Variants in CDYL2 observed in about 807,000 individuals in gnomAD.
The protein encoded by CDYL2 is chromodomain Y like 2.
Under a neutral mutation model 49.4 loss-of-function variants are expected in CDYL2, and 23 were observed. That is an observed-to-expected ratio of 0.47 (90% CI 0.34 to 0.66). CDYL2 has a LOEUF of 0.66. Among genes scored for constraint, CDYL2 ranks in the 30% least tolerant of loss-of-function variants. The pLI, the probability that CDYL2 is intolerant of heterozygous loss-of-function variation, is 0.01. For synonymous variants in CDYL2, 360 were observed against 268.8 expected, an observed-to-expected ratio of 1.34 and a Z score of -3.32; for missense variants, 678 against 656.4, an observed-to-expected ratio of 1.03 and a Z score of -0.36.
intron 2 of CDYL2, among the ~76,000 whole-genome samples, chr16:80,663,841 C>A (rs1053281498): frequency 6.6e-6 from 1 of 152,244 alleles, no homozygotes; most frequent in African/African-American, 2.4e-5. Context: ...AATCCACCAC[C>A]TTGGCCTCCC....
At chr16:80,642,515 T>C (rs1458945804) in intron 2 of CDYL2, among the ~76,000 whole-genome samples, 5 of 152,314 alleles carry the variant, frequency 3.3e-5, no homozygotes, top group Admixed American at 3.3e-4. Flanking sequence ...AAGCTTAAAA[T>C]GATGAGATAT....
At chr16:80,770,017 C>T (rs1292553920) in intron 1 of CDYL2, among the ~76,000 whole-genome samples, 2 of 152,068 alleles carry the variant, frequency 1.3e-5, no homozygotes, top group African/African-American at 4.8e-5. Flanking sequence ...AACAAAACTA[C>T]TTTGCAAAAT....
Position 80,759,223 on chromosome 16 carries a change from T to C in CDYL2, c.24+44927A>G, listed in dbSNP as rs74247502. Among the ~76,000 whole-genome samples, 77 of 149,272 alleles carry C rather than the reference T, an allele frequency of 5.2e-4. No homozygotes were observed. In the East Asian group the frequency reaches 0.013, roughly 26 times the overall value. On this transcript the variant is annotated intron_variant, in intron 1 of 6. Transcript: ENST00000570137. ...TTGATATGTTAATCTACCTATGATA[T>C]AGGTTAGTGTCTCTGAGTGATGGAT... is the stretch of plus-strand genomic sequence containing the variant.
At chr16:80,671,507 G>A (rs548186453) in intron 2 of CDYL2, among the ~76,000 whole-genome samples, 74 of 152,224 alleles carry the variant, frequency 4.9e-4, no homozygotes, top group Non-Finnish European at 8.1e-4. Flanking sequence ...TGCCCCAAAC[G>A]CATCTTCTCA....
At chr16:80,799,005 T>A (rs949426632) in intron 1 of CDYL2, among the ~76,000 whole-genome samples, 2 of 151,916 alleles carry the variant, frequency 1.3e-5, no homozygotes, top group Non-Finnish European at 2.9e-5. Context: ...AATGCTTACC[T>A]ACATTATCTA....
At chr16:80,804,011 GGCCGCCGCC>G (rs899041883) in intron 1 of CDYL2, 130 bp downstream of exon 1, 7 of 384,034 alleles carry the variant, frequency 1.8e-5, no homozygotes, top group African/African-American at 4.8e-5. Flanking sequence ...GCCACCCTCC[GGCCGCCGCC>G]GCCGCCGCCG....
chr16:80,719,850 C>A (rs777839429), intron 1 of CDYL2, among the ~76,000 whole-genome samples: 7 of 152,166 alleles, frequency 4.6e-5, no homozygotes, highest in South Asian at 2.1e-4. Context: ...CAAGAGGGTA[C>A]CAAAGACATT....
intron 1 of CDYL2, among the ~76,000 whole-genome samples, chr16:80,716,232 T>C (rs1231449735): frequency 2.0e-5 from 3 of 152,264 alleles, no homozygotes; most frequent in Admixed American, 6.5e-5. Flanking sequence ...AGATTCCTCA[T>C]ATATGCTATT....
intron 1 of CDYL2, among the ~76,000 whole-genome samples, chr16:80,750,365 A>G (rs1368051572): frequency 1.3e-5 from 2 of 151,868 alleles, no homozygotes; most frequent in African/African-American, 4.8e-5. Flanking sequence ...AATAATTAAC[A>G]GAAATAAAAA....
chr16:80,726,636 G>A (rs1346309646), intron 1 of CDYL2, among the ~76,000 whole-genome samples: 2 of 151,718 alleles, frequency 1.3e-5, no homozygotes, highest in East Asian at 3.9e-4. Flanking sequence ...TTCAGATCTT[G>A]GTTCTAATAT....
intron 1 of CDYL2, among the ~76,000 whole-genome samples, chr16:80,779,177 A>C (rs1764480372): frequency 6.6e-6 from 1 of 152,064 alleles, no homozygotes; most frequent in South Asian, 2.1e-4. Context: ...TCTGCCATAA[A>C]TGTTTAAATT....
At chr16:80,792,141 T>C (rs74030441) in intron 1 of CDYL2, among the ~76,000 whole-genome samples, 2,872 of 152,246 alleles carry the variant, frequency 0.019, 96 homozygotes, top group African/African-American at 0.065. Flanking sequence ...ACTTCAACTT[T>C]TGATATTTTG....
intron 2 of CDYL2, among the ~76,000 whole-genome samples, chr16:80,643,936 A>T (rs986230267): frequency 6.6e-6 from 1 of 152,226 alleles, no homozygotes; most frequent in Admixed American, 6.5e-5. Context: ...CTCATTACTT[A>T]TGCAAATGTC....
chr16:80,607,935 CA>C (rs2142359478), intron 6 of CDYL2, among the ~76,000 whole-genome samples, 156 bp downstream of exon 6: 1 of 152,284 alleles, frequency 6.6e-6, no homozygotes, highest in Non-Finnish European at 1.5e-5. Context: ...TTGAAGCTGT[CA>C]ATACTGAGAA....
intron 3 of CDYL2, among the ~76,000 whole-genome samples, chr16:80,625,725 T>G (rs1907271135): frequency 1.3e-5 from 2 of 152,158 alleles, no homozygotes; most frequent in Non-Finnish European, 2.9e-5. Context: ...AAAGAAAGCT[T>G]ACCTACAGAG....
intron 1 of CDYL2, among the ~76,000 whole-genome samples, chr16:80,784,532 G>A (rs529781520): frequency 6.6e-6 from 1 of 152,232 alleles, no homozygotes; most frequent in East Asian, 1.9e-4. Flanking sequence ...GAACATCCAT[G>A]AGAGAAAACC....
At chr16:80,608,748 C>T (rs993974303) in intron 5 of CDYL2, among the ~76,000 whole-genome samples, 20 of 151,970 alleles carry the variant, frequency 1.3e-4, no homozygotes, top group East Asian at 7.7e-4. Context: ...GGCTGTGTCC[C>T]GGCCTGTGGA....
intron 1 of CDYL2, among the ~76,000 whole-genome samples, chr16:80,777,312 T>C (rs1907119671): frequency 6.6e-6 from 1 of 151,936 alleles, no homozygotes; most frequent in African/African-American, 2.4e-5. Context: ...TGTTTGCATA[T>C]TATCTAGTTC....
intron 2 of CDYL2, among the ~76,000 whole-genome samples, chr16:80,635,534 C>T (rs544069687): frequency 1.2e-3 from 179 of 152,210 alleles, no homozygotes; most frequent in African/African-American, 3.8e-3. Flanking sequence ...TCAAGAAGAA[C>T]CACACACCAC....
Sources: gnomAD v4.1 joint callset for allele counts (sites outside exome capture counted in the v4.1 genomes callset) on GRCh38, gnomAD v4.1.1 for gene constraint, MANE v1.5 for transcripts, NCBI Gene and HGNC (gene_info 2026-07-23, HGNC 2026-07-21) for gene names.